ASIC5: variants seen among roughly 807,000 people sequenced by gnomAD.
ASIC5 encodes bile acid-sensitive ion channel.
In ASIC5, 52 loss-of-function variants were observed where a neutral mutation model predicts 51.2. That is an observed-to-expected ratio of 1.02 (90% CI 0.81 to 1.28). ASIC5 has a LOEUF of 1.28. Ranked by LOEUF, ASIC5 falls within the 50% of genes most tolerant of loss-of-function variation. ASIC5 has a pLI of 0.00. For missense variants in ASIC5, 635 were observed against 595.0 expected (o/e 1.07, Z -0.70); for synonymous variants, 231 against 200.7 (o/e 1.15, Z -1.28).
rs113630202 is a variant in ASIC5 at position 155,852,055 on chromosome 4, G to A, written c.711+136C>T. On this transcript the variant is annotated intron_variant, in intron 4 of 9. Coordinates refer to ENST00000537611, the MANE Select transcript of ASIC5 (RefSeq NM_017419.3). ...GCCAGTAGTTATATAAAATCCATAG[G>A]AGTCTAGACTAAATTAACAAAAACT... 53 of 976,654 alleles carry A rather than the reference G, an allele frequency of 5.4e-5. 2 individuals are homozygous for A. The African/African-American group carries it at 6.0e-4, about 11-fold the overall frequency. 60.5% of individuals were successfully genotyped at this position (976,654 alleles called of 1,614,324 possible). A position where few individuals can be genotyped will look rare whatever the true frequency, so the allele number is the denominator to read the frequency against.
rs1267027829 is a variant in ASIC5, at chr4:155,863,745, T to C, written c.50A>G (p.Glu17Gly). Residue 17 changes from glutamate to glycine, a missense_variant, in exon 2 of 10, where the codon GAA becomes GGA. Glu to Gly is a moderately conservative substitution (Grantham distance 98, BLOSUM62 -2). Transcript: ENST00000537611. ...SKVYAENGLL[E>G]KIKLCLSKKP... ...CTTTGAAAGGCAAAGCTTTATCTTT[T>C]CTAAGAGTCCTTAAGGTTTTGCCCA... The C allele has an allele frequency of 4.3e-6, 7 of 1,611,720 alleles. No individual in the cohort carries two copies. In the East Asian group the frequency reaches 1.6e-4, roughly 36 times the overall value.
Position 155,836,769 on chromosome 4 carries a change from A to C in ASIC5, c.1155T>G (p.Thr385=). The C allele has an allele frequency of 1.9e-6, 3 of 1,607,784 alleles. No individual in the cohort carries two copies. The highest frequency in any genetic ancestry group is 2.6e-6 in the Non-Finnish European group (3 of 1,174,292). The change falls in exon 8 of 10, where the codon ACT becomes ACG. Residue 385 remains threonine, a synonymous_variant. Transcript: ENST00000537611. ...VSCEEIEYPA[T]ISYSSFPSQK... is the part of the protein sequence containing the mutation. ...GACTTGGAAAAGAGGAATAAGAAATAGTGGCCGGGTATTCTATTTCTTCAC... is the reference window on the plus strand; with the variant it reads ...GACTTGGAAAAGAGGAATAAGAAATCGTGGCCGGGTATTCTATTTCTTCAC...
intron 3 of ASIC5, among the ~76,000 whole-genome samples, chr4:155,853,550 T>G (rs17422089): frequency 0.064 from 9,302 of 145,888 alleles, 968 homozygotes; most frequent in African/African-American, 0.22. Context: ...GAGTGAATGT[T>G]TATTATATAT....
chr4:155,864,771 G>T (rs1332844359), intron 1 of ASIC5: 1 of 151,938 alleles, frequency 6.6e-6, no homozygotes, highest in East Asian at 1.9e-4. Context: ...AGTACTCAAG[G>T]GTATTAGCTA....
At chr4:155,853,118 G>A (rs1045959128) in intron 3 of ASIC5, among the ~76,000 whole-genome samples, 1 of 151,988 alleles carries the variant, frequency 6.6e-6, no homozygotes, top group African/African-American at 2.4e-5. Context: ...GAACAGAAAT[G>A]GGTTTCTGTA....
rs956991549 is a variant in ASIC5, at chr4:155,863,679, T to C, written c.116A>G (p.His39Arg). The C allele has an allele frequency of 6.2e-7, 1 of 1,614,000 alleles. No individual in the cohort carries two copies. Among genetic ancestry groups the C allele is most frequent in the Non-Finnish European group, 8.5e-7 (1 of 1,179,904 alleles). Residue 39 changes from histidine to arginine, a missense_variant, in exon 2 of 10, where the codon CAT becomes CGT. Transcript: ENST00000537611. ...AAAGGAAGTGGAGATGGCAAAGTCA[T>C]GGTCAAACTTCTTTCGCTCAGTGGG... ...PSPTERKKFD[H>R]DFAISTSFHG...
intron 2 of ASIC5, among the ~76,000 whole-genome samples, chr4:155,858,546 G>A (rs1741606638): frequency 6.6e-6 from 1 of 151,988 alleles, no homozygotes; most frequent in Non-Finnish European, 1.5e-5. Flanking sequence ...TCATTTTAGA[G>A]GTTTATTTTG....
intron 4 of ASIC5, among the ~76,000 whole-genome samples, chr4:155,850,120 A>T (rs540589000): frequency 1.3e-5 from 2 of 150,504 alleles, no homozygotes; most frequent in Admixed American, 6.7e-5. Flanking sequence ...TTTTTTTTTT[A>T]AAGGGAGCAG....
In ASIC5 at chr4:155,831,157, T is replaced by C. The variant is rs1032609611; in HGVS notation, c.1327+667A>G. On this transcript the variant is annotated intron_variant, in intron 9 of 9. Transcript: ENST00000537611. ...TTTTGCTTCCTCAGGTTCTTCTTTT[T>C]AAGCCACTCTAGGGTAGAGCCCTGT... Among the ~76,000 whole-genome samples, 3 of 152,198 alleles carry C rather than the reference T, an allele frequency of 2.0e-5. No individual in the cohort carries two copies. In the South Asian group the frequency reaches 6.2e-4, roughly 32 times the overall value.
Position 155,854,210 on chromosome 4 carries a change from G to A in ASIC5, c.452C>T (p.Ser151Phe). The change falls in exon 3 of 10, where the codon TCT becomes TTT. Residue 151 changes from serine (S) to phenylalanine (F), a missense_variant. Transcript: ENST00000537611. ...TGCAGCAAAATCAGTAGCCTCTCTA[G>A]AGCCAGTGGAATTGGCAGTAATTTC... is the stretch of plus-strand genomic sequence containing the variant. The part of the protein sequence containing the change: ...LQEITANSTG[S>F]REATDFAASH... The A allele has an allele frequency of 6.2e-7, 1 of 1,613,196 alleles. No individual in the cohort carries two copies. The highest frequency in any genetic ancestry group is 8.5e-7 in the Non-Finnish European group (1 of 1,179,462).
Position 155,854,101 on chromosome 4 carries a change from A to G in ASIC5, c.561T>C (p.Phe187=). 1 of 1,612,640 alleles carries G rather than the reference A, an allele frequency of 6.2e-7. No individual in the cohort carries two copies. Among genetic ancestry groups the G allele is most frequent in the Non-Finnish European group, 8.5e-7 (1 of 1,179,274 alleles). Residue 187 remains phenylalanine, a synonymous_variant, in exon 3 of 10, where the codon TTT becomes TTC. Coordinates refer to ENST00000537611, the MANE Select transcript of ASIC5 (RefSeq NM_017419.3). ...CCTTTGGGCTACATGGCTTTCCAAA[A>G]AACTCACAGTCCAACAAAGTGCTAT... ...LNNSTLLDCE[F]FGKPCSPKDF...
At chr4:155,840,604 C>T (rs890530760) in intron 6 of ASIC5, among the ~76,000 whole-genome samples, 7 of 151,464 alleles carry the variant, frequency 4.6e-5, no homozygotes, top group Non-Finnish European at 8.8e-5. Flanking sequence ...CTTGGGCGTT[C>T]GCTGAACTAA....
In ASIC5 at chr4:155,842,126, T is replaced by C. The variant is rs957360581; in HGVS notation, c.1009+81A>G. ...ATATTCCATTTGTATTTCAATACTCTATTTCTCCCAGACCTTTTGTAACCC... is the reference window on the plus strand; with the variant it reads ...ATATTCCATTTGTATTTCAATACTCCATTTCTCCCAGACCTTTTGTAACCC... On this transcript the variant is annotated intron_variant, in intron 6 of 9. Transcript: ENST00000537611. The C allele has an allele frequency of 3.0e-6, 4 of 1,314,434 alleles. No homozygotes were observed. In the African/African-American group the frequency reaches 4.4e-5, roughly 15 times the overall value. The allele number at this position is 1,314,434 out of a possible 1,614,324, so 81.4% of individuals were successfully genotyped here. A position where few individuals can be genotyped will look rare whatever the true frequency, so the allele number is the denominator to read the frequency against.
Position 155,838,812 on chromosome 4 carries a change from C to T in ASIC5, c.1066+1G>A. On this transcript the variant is annotated splice_donor_variant, in intron 7 of 9. Transcript: ENST00000537611. LOFTEE classifies it high-confidence loss of function. The stretch of plus-strand genomic sequence containing the variant: ...AAAATAAAAGTAAATTAAGCACTTA[C>T]CAAGTACAGGAGAAACACAGCTGAA... 1 of 1,568,770 alleles carries T rather than the reference C, an allele frequency of 6.4e-7. No homozygotes were observed. The highest frequency in any genetic ancestry group is 8.8e-7 in the Non-Finnish European group (1 of 1,142,100).
At chr4:155,844,716 AC>A (rs1298336798) in intron 4 of ASIC5, among the ~76,000 whole-genome samples, 1 of 151,962 alleles carries the variant, frequency 6.6e-6, no homozygotes, top group Non-Finnish European at 1.5e-5. Flanking sequence ...GAAATAAAGC[AC>A]CTTGCTCCCC....
chr4:155,861,843 A>G (rs571615456), intron 2 of ASIC5, among the ~76,000 whole-genome samples: 1 of 152,126 alleles, frequency 6.6e-6, no homozygotes, highest in African/African-American at 2.4e-5. Context: ...TTCTCCTTAT[A>G]AGAACTTCAG....
intron 5 of ASIC5, 126 bp from the exon 6 acceptor site, chr4:155,842,480 G>T (rs1184910668): frequency 1.2e-6 from 1 of 836,976 alleles, no homozygotes; most frequent in Non-Finnish European, 1.8e-6. Context: ...ACCAAAATTG[G>T]TTACATTTGT....
chr4:155,831,528 T>C (rs1381055197), intron 9 of ASIC5, among the ~76,000 whole-genome samples: 2 of 152,110 alleles, frequency 1.3e-5, no homozygotes, highest in Middle Eastern at 6.3e-3. Flanking sequence ...TCCCAGCACC[T>C]CAGGAGGCCA....
At chr4:155,836,997 A>T (rs2111229663) in intron 7 of ASIC5, 140 bp from the exon 8 acceptor site, 1 of 505,968 alleles carries the variant, frequency 2.0e-6, no homozygotes, top group East Asian at 3.4e-5. Context: ...ACTCTGAAAC[A>T]AATATGTTAC....
Sources: gnomAD v4.1 joint callset for allele counts (sites outside exome capture counted in the v4.1 genomes callset) on GRCh38, gnomAD v4.1.1 for gene constraint, MANE v1.5 for transcripts, NCBI Gene and HGNC (gene_info 2026-07-23, HGNC 2026-07-21) for gene names.